Variants in ZC3H3 observed in about 807,000 individuals in gnomAD.
ZC3H3 encodes zinc finger CCCH-type containing 3.
Under a neutral mutation model 77.3 loss-of-function variants are expected in ZC3H3, and 36 were observed. That is an observed-to-expected ratio of 0.47 (90% CI 0.36 to 0.61). The LOEUF is 0.61. ZC3H3 is among the 20% of genes least tolerant of loss of function. The probability of loss-of-function intolerance (pLI) is 0.00; values close to 1 mark genes in which losing one functional copy is unlikely to be tolerated. For missense variants in ZC3H3, 1,331 were observed against 1,312.2 expected, an observed-to-expected ratio of 1.01 and a Z score of -0.22; for synonymous variants, 626 against 555.2, an observed-to-expected ratio of 1.13 and a Z score of -1.79.
rs1372981746 is a variant in ZC3H3 at position 143,538,114 on chromosome 8, T to C, written c.1253A>G (p.Asp418Gly). ...SPVLSRSPSG[D>G]RPAVGHSGLK... ...GCCACTGTGTCCTACTGCTGGTCTG[T>C]CCCCCGACGGGGACCTAGACAGGAC... Residue 418 changes from aspartate to glycine, a missense_variant, in exon 2 of 12, where the codon GAC (aspartate) becomes GGC (glycine). By Grantham distance (94) the Asp-to-Gly change is moderately conservative. This residue lies in a region of ZC3H3 where 978 missense variants were observed against 915.5 expected (regional missense o/e 1.07). Coordinates refer to ENST00000262577, the MANE Select transcript of ZC3H3 (RefSeq NM_015117.3). 1 of 1,613,088 alleles carries C rather than the reference T, an allele frequency of 6.2e-7. No homozygotes were observed. Among genetic ancestry groups the C allele is most frequent in the South Asian group, 1.1e-5 (1 of 91,090 alleles).
Position 143,530,369 on chromosome 8 carries a change from C to T in ZC3H3, c.1561+5888G>A, listed in dbSNP as rs1221499025. Among the ~76,000 whole-genome samples, 1 of 152,192 alleles carries T rather than the reference C, an allele frequency of 6.6e-6. No homozygotes were observed. The highest frequency in any genetic ancestry group is 1.9e-4 in the East Asian group (1 of 5,192). On this transcript the variant is annotated intron_variant, in intron 3 of 11. Coordinates refer to ENST00000262577, the MANE Select transcript of ZC3H3 (RefSeq NM_015117.3). This position sits in a 1 kb window ranked among gnomAD's most constrained non-coding sequence, Gnocchi z 4.3. ...CATCCACCATCCTGGGTGGGTGAAGCAGAGAGGGCCCTCCCACTCCAGCAG... is the reference window on the plus strand; with the variant it reads ...CATCCACCATCCTGGGTGGGTGAAGTAGAGAGGGCCCTCCCACTCCAGCAG...
chr8:143,448,941 C>T (rs558454838), intron 9 of ZC3H3, among the ~76,000 whole-genome samples: 2 of 152,368 alleles, frequency 1.3e-5, no homozygotes, highest in South Asian at 2.1e-4. Flanking sequence ...CTTACCACTA[C>T]GTAGAAGCTT....
At chr8:143,442,029 G>A (rs1461528380) in intron 9 of ZC3H3, among the ~76,000 whole-genome samples, 1 of 152,122 alleles carries the variant, frequency 6.6e-6, no homozygotes, top group Non-Finnish European at 1.5e-5. Context: ...CCAGCTCGTG[G>A]GGTGCCACAG....
At chr8:143,465,175 T>C (rs1254616541) in intron 9 of ZC3H3, among the ~76,000 whole-genome samples, 2 of 152,086 alleles carry the variant, frequency 1.3e-5, no homozygotes, top group Admixed American at 6.5e-5. Context: ...CACCCAGCAG[T>C]GGTGCCCCGC....
At chr8:143,480,213 G>A (rs551883027) in intron 4 of ZC3H3, among the ~76,000 whole-genome samples, 1 of 152,304 alleles carries the variant, frequency 6.6e-6, no homozygotes, top group East Asian at 1.9e-4. Flanking sequence ...CTGAGGTCTT[G>A]GTTTTCCTGA....
chr8:143,520,912 A>T (rs908468841), intron 3 of ZC3H3, among the ~76,000 whole-genome samples: 2 of 152,218 alleles, frequency 1.3e-5, no homozygotes, highest in African/African-American at 4.8e-5. Flanking sequence ...TCTGCCCAGC[A>T]GCACCCTCCA....
chr8:143,512,398 T>C (rs903883271), intron 3 of ZC3H3, among the ~76,000 whole-genome samples: 6 of 152,254 alleles, frequency 3.9e-5, no homozygotes, highest in African/African-American at 1.4e-4. Context: ...CCTGCAAACC[T>C]ACTTTTCCTG....
chr8:143,516,657 T>C (rs1020493369), intron 3 of ZC3H3, among the ~76,000 whole-genome samples: 1 of 150,580 alleles, frequency 6.6e-6, no homozygotes, highest in Admixed American at 6.6e-5. Context: ...AGCAGGTGCA[T>C]CCGGCCCCTC....
intron 3 of ZC3H3, among the ~76,000 whole-genome samples, chr8:143,515,651 G>A (rs549269009): frequency 2.8e-4 from 43 of 152,306 alleles, no homozygotes; most frequent in Non-Finnish European, 5.0e-4. Context: ...CCACCACACA[G>A]AACCCACAAT....
At chr8:143,438,117 C>G (rs200072279) in intron 11 of ZC3H3, 30 bp from the exon 12 acceptor site, 23 of 1,599,312 alleles carry the variant, frequency 1.4e-5, no homozygotes, top group Non-Finnish European at 2.0e-5. Flanking sequence ...GTTAGGTGCC[C>G]GGAAACCCCT....
At chr8:143,459,020 G>A (rs566530754) in intron 9 of ZC3H3, among the ~76,000 whole-genome samples, 136 of 150,630 alleles carry the variant, frequency 9.0e-4, no homozygotes, top group African/African-American at 3.0e-3. Context: ...AGGACCAGAC[G>A]GCTTCACTGG....
intron 4 of ZC3H3, among the ~76,000 whole-genome samples, chr8:143,505,602 G>A (rs1317498891): frequency 6.6e-6 from 1 of 152,182 alleles, no homozygotes; most frequent in Non-Finnish European, 1.5e-5. Context: ...CAGGGTTCGT[G>A]TCCCGAAGGG....
chr8:143,528,098 G>A (rs930166315), intron 3 of ZC3H3, among the ~76,000 whole-genome samples: 13 of 152,154 alleles, frequency 8.5e-5, no homozygotes, highest in Admixed American at 6.5e-4. Flanking sequence ...GAGAGTCTCC[G>A]GCCCCTCTGG....
chr8:143,522,257 G>A (rs1046228195), intron 3 of ZC3H3, among the ~76,000 whole-genome samples: 1 of 152,212 alleles, frequency 6.6e-6, no homozygotes, highest in South Asian at 2.1e-4. Context: ...GCACCTCACA[G>A]CACAGAAGAC....
intron 3 of ZC3H3, among the ~76,000 whole-genome samples, chr8:143,532,783 G>A (rs1822659343): frequency 1.3e-5 from 2 of 152,200 alleles, no homozygotes; most frequent in South Asian, 2.1e-4. Flanking sequence ...GGGCACCTGG[G>A]GGAGCCACTC....
At chr8:143,532,946 C>T (rs760420615) in intron 3 of ZC3H3, among the ~76,000 whole-genome samples, 2 of 152,200 alleles carry the variant, frequency 1.3e-5, no homozygotes, top group Non-Finnish European at 2.9e-5. Flanking sequence ...CTCTCACCTC[C>T]GCGCACATCT....
chr8:143,541,057 G>T (rs1172541679), intron 1 of ZC3H3, among the ~76,000 whole-genome samples: 1 of 152,244 alleles, frequency 6.6e-6, no homozygotes, highest in Admixed American at 6.5e-5. Context: ...GGCGCGGGGA[G>T]AGAGTGGGCG....
chr8:143,475,500 A>C lies in ZC3H3; in HGVS notation c.1801T>G (p.Tyr601Asp). The change falls in exon 5 of 12, where the codon TAC becomes GAC. Residue 601 changes from tyrosine (Y) to aspartate (D), a missense_variant. Tyr to Asp is a radical substitution (Grantham distance 160). This residue lies in a region of ZC3H3 where 978 missense variants were observed against 915.5 expected (regional missense o/e 1.07). Coordinates refer to ENST00000262577, the MANE Select transcript of ZC3H3 (RefSeq NM_015117.3). ...TAGAGGACCCCTCCGATGCAGCGGT[A>C]GCCTTTGCTCCGCCACCAAGGGGAG... ...PGSPWWRSKG[Y>D]RCIGGVLYKV... 1.2e-6 allele frequency: 2 copies of C among 1,612,918 alleles called. No homozygotes were observed. Among genetic ancestry groups the C allele is most frequent in the Non-Finnish European group, 1.7e-6 (2 of 1,179,906 alleles).
intron 9 of ZC3H3, among the ~76,000 whole-genome samples, chr8:143,442,100 G>T (rs554685516): frequency 6.6e-6 from 1 of 152,166 alleles, no homozygotes; most frequent in South Asian, 2.1e-4. Context: ...CTAAGAATCT[G>T]GGATCCCAGG....
Sources: allele counts gnomAD v4.1 joint callset (sites outside exome capture counted in the v4.1 genomes callset), GRCh38; gene constraint gnomAD v4.1.1; regional missense constraint gnomAD v4.1.1; non-coding constraint Gnocchi (gnomAD v3.1); transcripts MANE v1.5; gene names NCBI Gene and HGNC (gene_info 2026-07-23, HGNC 2026-07-21).